The following CCDC3 variants were observed in gnomAD, a reference collection of about 807,000 sequenced individuals.
CCDC3 encodes the protein coiled-coil domain-containing protein 3.
CCDC3 carries 24 observed loss-of-function variants against 21.4 expected under a neutral mutation model. The observed-to-expected ratio is 1.12, with a 90% CI of 0.81 to 1.58. The LOEUF (loss-of-function observed/expected upper bound fraction) is 1.58, where lower values mean the gene tolerates loss of function less well. Among genes scored for constraint, CCDC3 ranks in the 40% most tolerant of loss-of-function variants. The pLI is 0.00. For synonymous variants in CCDC3, 186 were observed against 166.0 expected, an observed-to-expected ratio of 1.12 and a Z score of -0.93; for missense variants, 425 against 360.9, an observed-to-expected ratio of 1.18 and a Z score of -1.44.
chr10:13,068,708 C>T (rs1304434744), intron 4 of CCDC3, among the ~76,000 whole-genome samples: 2 of 151,960 alleles, frequency 1.3e-5, no homozygotes, highest in South Asian at 2.1e-4. Context: ...ACCTTGGCTG[C>T]GACTTGTACA....
chr10:12,956,018 T>G (rs1835078312), intron 2 of CCDC3, among the ~76,000 whole-genome samples: 1 of 151,996 alleles, frequency 6.6e-6, no homozygotes, highest in Non-Finnish European at 1.5e-5. Flanking sequence ...CTAAATAATT[T>G]TTTAAGAGAT....
At position 12,960,640 on chromosome 10, in the gene CCDC3, G is replaced by A. The variant is rs370989917; in HGVS notation, c.549+37698C>T. The stretch of plus-strand genomic sequence containing the variant: ...GACAAATTACGCAGAAACAAAACAC[G>A]AGGTGGGGCAGGGTGCAGTCGGGAG... On this transcript the variant is annotated intron_variant, in intron 2 of 2. Transcript: ENST00000378825. 7.0e-4 allele frequency among the ~76,000 whole-genome samples: 106 copies of A among 152,272 alleles called. 1 individual carries two copies. Among genetic ancestry groups the A allele is most frequent in the African/African-American group, 2.4e-3 (99 of 41,556 alleles).
intron 1 of CCDC3, among the ~76,000 whole-genome samples, 163 bp downstream of exon 1, chr10:13,001,034 G>C (rs1468179720): frequency 1.3e-5 from 2 of 152,174 alleles, no homozygotes; most frequent in Non-Finnish European, 2.9e-5. Context: ...GACGTCAGAC[G>C]GAGCAAGAAA....
intron 2 of CCDC3, among the ~76,000 whole-genome samples, chr10:12,949,019 C>T (rs1190849621): frequency 6.6e-6 from 1 of 152,068 alleles, no homozygotes; most frequent in Non-Finnish European, 1.5e-5. Flanking sequence ...TCTTTTATAT[C>T]TCATGACATT....
intron 3 of CCDC3, among the ~76,000 whole-genome samples, chr10:13,096,580 C>T (rs555781143): frequency 6.6e-5 from 10 of 152,250 alleles, no homozygotes; most frequent in Non-Finnish European, 1.3e-4. Context: ...ATGCAAAACT[C>T]CAGGAGGGCT....
chr10:12,909,237 G>A (rs1282608716), intron 2 of CCDC3, among the ~76,000 whole-genome samples: 2 of 152,204 alleles, frequency 1.3e-5, no homozygotes, highest in Non-Finnish European at 2.9e-5. Flanking sequence ...CCTGGCTGAT[G>A]CAGGCATTCC....
At position 13,082,671 on chromosome 10, in the gene CCDC3, G is replaced by A. The variant is rs193231293; in HGVS notation, c.-502-8571C>T. On this transcript the variant is annotated intron_variant, in intron 3 of 6. Coordinates refer to the CCDC3 transcript ENST00000378839. ...GCTAGACCAAGGTCAGCTAAGTAAC[G>A]GTTGCCTTCCCAGGCACTGGTGTTA... is the stretch of plus-strand genomic sequence containing the variant. Among the ~76,000 whole-genome samples the A allele has an allele frequency of 9.3e-5, 14 of 150,668 alleles. 1 individual carries two copies. Among genetic ancestry groups the A allele is most frequent in the Middle Eastern group, 3.4e-3 (1 of 294 alleles).
intron 2 of CCDC3, among the ~76,000 whole-genome samples, chr10:12,916,062 C>A (rs182053927): frequency 6.6e-6 from 1 of 152,090 alleles, no homozygotes; most frequent in East Asian, 1.9e-4. Context: ...CTGGGACAGG[C>A]CTAAACCCCT....
In CCDC3 at chr10:12,935,494, T is replaced by C. The variant is rs150605648; in HGVS notation, c.550-36815A>G. On this transcript the variant is annotated intron_variant, in intron 2 of 2. Coordinates refer to ENST00000378825, the MANE Select transcript of CCDC3 (RefSeq NM_031455.4). Reference sequence around the variant, plus strand: ...TATTAGTATTTCATATCGGTTACTGTTTTCTATTCATTACCCTGGTTCTCT... The same window carrying C: ...TATTAGTATTTCATATCGGTTACTGCTTTCTATTCATTACCCTGGTTCTCT... Among the ~76,000 whole-genome samples the C allele has an allele frequency of 1.4e-3, 216 of 152,328 alleles. 1 individual carries two copies. Among genetic ancestry groups the C allele is most frequent in the African/African-American group, 4.7e-3 (196 of 41,564 alleles).
chr10:12,991,936 C>A (rs569117128), intron 2 of CCDC3, among the ~76,000 whole-genome samples: 1 of 151,938 alleles, frequency 6.6e-6, no homozygotes, highest in Non-Finnish European at 1.5e-5. Context: ...TTTTCTCACC[C>A]AGTCTAGCCC....
intron 5 of CCDC3, among the ~76,000 whole-genome samples, chr10:13,038,866 TTA>T (rs1385900656): frequency 6.6e-6 from 1 of 152,208 alleles, no homozygotes; most frequent in Non-Finnish European, 1.5e-5. Flanking sequence ...CCTGCAGCAC[TTA>T]TGTCTCCTTG....
At chr10:13,034,052 T>C (rs925910560) in intron 5 of CCDC3, among the ~76,000 whole-genome samples, 6 of 152,176 alleles carry the variant, frequency 3.9e-5, no homozygotes, top group South Asian at 4.1e-4. Context: ...CGTATGTTTA[T>C]TGTGGCACTA....
In CCDC3 at chr10:12,898,496, G is replaced by A. The variant is rs370906569; in HGVS notation, c.733C>T (p.Leu245Phe). Residue 245 changes from leucine to phenylalanine, a missense_variant, in exon 3 of 3, where the codon CTC (leucine) becomes TTC (phenylalanine). By Grantham distance (22) the Leu-to-Phe change is conservative. Coordinates refer to ENST00000378825, the MANE Select transcript of CCDC3 (RefSeq NM_031455.4). ...GRHLELANQKLSEKLAAGALP... is the reference protein window; with the variant it reads ...GRHLELANQKFSEKLAAGALP... ...GCGCCCGCCGCCAGCTTCTCACTGA[G>A]TTTCTGGTTCGCCAGCTCCAGGTGG... is the stretch of plus-strand genomic sequence containing the variant. 6.2e-7 allele frequency: 1 copy of A among 1,614,114 alleles called. No homozygotes were observed. Among genetic ancestry groups the A allele is most frequent in the Non-Finnish European group, 8.5e-7 (1 of 1,179,980 alleles).
chr10:12,983,993 T>C (rs1444539822), intron 2 of CCDC3, among the ~76,000 whole-genome samples: 2 of 152,114 alleles, frequency 1.3e-5, no homozygotes, highest in Non-Finnish European at 2.9e-5. Context: ...GGTGGGAGAA[T>C]CACCTGACCC....
chr10:12,948,430 T>C (rs1834953697), intron 2 of CCDC3, among the ~76,000 whole-genome samples: 1 of 151,428 alleles, frequency 6.6e-6, no homozygotes, highest in Admixed American at 6.6e-5. Context: ...GATATCATGG[T>C]GAAGAGTTTG....
At chr10:13,050,579 G>C (rs998052969) in intron 4 of CCDC3, among the ~76,000 whole-genome samples, 1 of 148,344 alleles carries the variant, frequency 6.7e-6, no homozygotes, top group Non-Finnish European at 1.5e-5. Flanking sequence ...TCCTGCCTCA[G>C]CCTCCTGAGT....
rs370147657 is a variant in CCDC3, at chr10:13,055,795, A to G, written c.-269-5854T>C. 3.3e-5 allele frequency among the ~76,000 whole-genome samples: 5 copies of G among 152,322 alleles called. No homozygotes were observed. In the East Asian group the frequency reaches 9.7e-4, roughly 29 times the overall value. ...CCTGCTTTACTCATAAACAAATTTGACCACATGCTACAGTCTCTCTTTTTC... is the reference window on the plus strand; with the variant it reads ...CCTGCTTTACTCATAAACAAATTTGGCCACATGCTACAGTCTCTCTTTTTC... On this transcript the variant is annotated intron_variant, in intron 4 of 6. Transcript: ENST00000378839.
chr10:12,922,735 C>T (rs1003310726), intron 2 of CCDC3, among the ~76,000 whole-genome samples: 82 of 152,096 alleles, frequency 5.4e-4, no homozygotes, highest in Non-Finnish European at 1.2e-4. Flanking sequence ...AGGAATCTGG[C>T]TGTTTTCTGA....
At chr10:12,929,203 A>G (rs1287166454) in intron 2 of CCDC3, among the ~76,000 whole-genome samples, 1 of 149,040 alleles carries the variant, frequency 6.7e-6, no homozygotes, top group Non-Finnish European at 1.5e-5. Flanking sequence ...TGGAGGTCGC[A>G]GTGAGCCGAG....
Sources: allele counts gnomAD v4.1 joint callset (sites outside exome capture counted in the v4.1 genomes callset), GRCh38; gene constraint gnomAD v4.1.1; transcripts MANE v1.5; gene names NCBI Gene and HGNC (gene_info 2026-07-23, HGNC 2026-07-21).